ADGRG7: variants seen among roughly 807,000 people sequenced by gnomAD.
The protein encoded by ADGRG7 is adhesion G protein-coupled receptor G7, also known as G-protein coupled receptor 128.
A neutral mutation model predicts 88.6 loss-of-function variants in ADGRG7; 82 were observed. The observed-to-expected ratio is 0.93, with a 90% CI of 0.77 to 1.11. ADGRG7 has a LOEUF of 1.11. Among genes scored for constraint, ADGRG7 ranks in the 50% most tolerant of loss-of-function variants. The pLI is 0.00. For missense variants in ADGRG7, 945 were observed against 953.4 expected (o/e 0.99, Z 0.12); for synonymous variants, 381 against 345.2 (o/e 1.10, Z -1.15).
intron 3 of ADGRG7, 73 bp downstream of exon 3, chr3:100,630,882 C>T: frequency 1.3e-6 from 1 of 759,926 alleles, no homozygotes; most frequent in Non-Finnish European, 2.0e-6. Context: ...ATACCTCCTA[C>T]TAGTGTTAGG....
intron 2 of ADGRG7, 29 bp downstream of exon 2, chr3:100,629,740 TA>T (rs1707433886): frequency 1.4e-6 from 2 of 1,416,314 alleles, no homozygotes; most frequent in African/African-American, 2.8e-5. Flanking sequence ...TGCTAAAGTG[TA>T]AGGTTTACGT....
intron 3 of ADGRG7, among the ~76,000 whole-genome samples, chr3:100,632,904 G>A (rs1302746248): frequency 6.6e-6 from 1 of 152,152 alleles, no homozygotes; most frequent in Non-Finnish European, 1.5e-5. Flanking sequence ...CCTTTCAGCT[G>A]TTATCCAGAT....
intron 12 of ADGRG7, 71 bp from the exon 13 acceptor site, chr3:100,655,828 C>G (rs2094936814): frequency 1.1e-6 from 1 of 898,808 alleles, no homozygotes; most frequent in Non-Finnish European, 1.8e-6. Context: ...ATGTATAATT[C>G]ATGTATGATC....
At chr3:100,658,922 A>G (rs2094941077) in intron 13 of ADGRG7, among the ~76,000 whole-genome samples, 1 of 152,132 alleles carries the variant, frequency 6.6e-6, no homozygotes, top group South Asian at 2.1e-4. Context: ...CATAATATGT[A>G]CTCTCTAAAT....
intron 8 of ADGRG7, among the ~76,000 whole-genome samples, chr3:100,645,577 G>A (rs1707729860): frequency 6.6e-6 from 1 of 152,162 alleles, no homozygotes; most frequent in Non-Finnish European, 1.5e-5. Context: ...GAGGTAACAT[G>A]GGCTGGAGCT....
At chr3:100,631,957 C>T (rs1707464211) in intron 3 of ADGRG7, among the ~76,000 whole-genome samples, 1 of 152,026 alleles carries the variant, frequency 6.6e-6, no homozygotes, top group Non-Finnish European at 1.5e-5. Context: ...ATAAGTCCTC[C>T]TGAATTTTTT....
At position 100,676,976 on chromosome 3, in the gene ADGRG7, G is replaced by A. The variant is rs150241206; in HGVS notation, c.2136+7871G>A. Among the ~76,000 whole-genome samples, 6 of 152,026 alleles carry A rather than the reference G, an allele frequency of 3.9e-5. No individual in the cohort carries two copies. In the East Asian group the frequency reaches 9.6e-4, roughly 24 times the overall value. On this transcript the variant is annotated intron_variant, in intron 15 of 15. Coordinates refer to ENST00000273352, the MANE Select transcript of ADGRG7 (RefSeq NM_032787.3). ...CTCCATCCATTTATTTTCAGTCTGT[G>A]TGTCTTTATAGGTGGTTTGCTTCTT... is the stretch of plus-strand genomic sequence containing the variant.
At chr3:100,662,478 T>C (rs1195283950) in intron 14 of ADGRG7, among the ~76,000 whole-genome samples, 1 of 152,166 alleles carries the variant, frequency 6.6e-6, no homozygotes, top group Non-Finnish European at 1.5e-5. Context: ...TTTGCTAATA[T>C]AATAGCATCA....
intron 1 of ADGRG7, among the ~76,000 whole-genome samples, chr3:100,617,219 TC>T (rs1356765419): frequency 6.6e-6 from 1 of 152,130 alleles, no homozygotes; most frequent in Non-Finnish European, 1.5e-5. Context: ...TTTCTTTTTT[TC>T]TTTTTCTTTT....
intron 15 of ADGRG7, among the ~76,000 whole-genome samples, chr3:100,682,219 G>T (rs1333147883): frequency 6.6e-6 from 1 of 152,138 alleles, no homozygotes; most frequent in Admixed American, 6.5e-5. Flanking sequence ...GGACCCAGCC[G>T]CTCACCGGAG....
At chr3:100,694,711 T>C in intron 15 of ADGRG7, 33 bp from the exon 16 acceptor site, 2 of 1,600,574 alleles carry the variant, frequency 1.2e-6, no homozygotes, top group Non-Finnish European at 1.7e-6. Flanking sequence ...ATCTCAGCAC[T>C]TACCCAACAT....
In ADGRG7 at chr3:100,695,081, T is replaced by C; in HGVS notation, c.*80T>C. 1 of 1,397,240 alleles carries C rather than the reference T, an allele frequency of 7.2e-7. No individual in the cohort carries two copies. The highest frequency in any genetic ancestry group is 2.3e-5 in the East Asian group (1 of 43,572). 86.6% of individuals were successfully genotyped at this position (1,397,240 alleles called of 1,614,324 possible). A position where few individuals can be genotyped will look rare whatever the true frequency, so the allele number is the denominator to read the frequency against. ...GTTTCTCTCCTTTATTTCCCAGTCC[T>C]CTCAGAAAGTCTTCCTCAATGTATT... On this transcript the variant is annotated 3_prime_UTR_variant, in exon 16 of 16. Coordinates refer to ENST00000273352, the MANE Select transcript of ADGRG7 (RefSeq NM_032787.3).
At chr3:100,686,911 G>A (rs2094983731) in intron 15 of ADGRG7, among the ~76,000 whole-genome samples, 1 of 152,136 alleles carries the variant, frequency 6.6e-6, no homozygotes, top group South Asian at 2.1e-4. Context: ...TTCCAATTCT[G>A]TGAAGAAAGT....
intron 15 of ADGRG7, among the ~76,000 whole-genome samples, chr3:100,677,809 T>C (rs1198140265): frequency 6.6e-6 from 1 of 152,168 alleles, no homozygotes; most frequent in Admixed American, 6.5e-5. Context: ...GAAGCTCTGT[T>C]GTATATTATT....
intron 6 of ADGRG7, among the ~76,000 whole-genome samples, chr3:100,640,202 G>C (rs951127558): frequency 8.5e-5 from 13 of 152,178 alleles, no homozygotes; most frequent in African/African-American, 2.9e-4. Flanking sequence ...TTGTTGTTTA[G>C]GACAACATTT....
rs1371398464 is a variant in ADGRG7 at position 100,619,084 on chromosome 3, G to C, written c.115+9113G>C. Among the ~76,000 whole-genome samples, 12 of 152,170 alleles carry C rather than the reference G, an allele frequency of 7.9e-5. No individual in the cohort carries two copies. In the East Asian group the frequency reaches 2.1e-3, roughly 27 times the overall value. Reference sequence around the variant, plus strand: ...ATTGATTTTGTATCATGAGACTTTGGTGAAGTTGCCTGTCAGCTAAGGAGA... The same window carrying C: ...ATTGATTTTGTATCATGAGACTTTGCTGAAGTTGCCTGTCAGCTAAGGAGA... On this transcript the variant is annotated intron_variant, in intron 1 of 15. Transcript: ENST00000273352.
intron 1 of ADGRG7, among the ~76,000 whole-genome samples, chr3:100,627,501 C>T (rs1034515731): frequency 6.6e-6 from 1 of 151,988 alleles, no homozygotes; most frequent in Non-Finnish European, 1.5e-5. Context: ...TCTGTGTAAA[C>T]GTGATTTATT....
In ADGRG7 at chr3:100,659,801, T is replaced by A. The variant is rs754717623; in HGVS notation, c.1937T>A (p.Ile646Asn). The part of the protein sequence containing the change: ...LISNVVMFIT[I>N]SIKVLWKNNQ... ...AGCAATGTTGTTATGTTTATTACAA[T>A]CTCGATCAAAGTGCTGTGGAAGAAT... is the stretch of plus-strand genomic sequence containing the variant. The change falls in exon 14 of 16, where the codon ATC (isoleucine) becomes AAC (asparagine). Residue 646 changes from isoleucine to asparagine, a missense_variant. Transcript: ENST00000273352. 1 of 1,613,924 alleles carries A rather than the reference T, an allele frequency of 6.2e-7. No individual in the cohort carries two copies. The highest frequency in any genetic ancestry group is 1.7e-5 in the Admixed American group (1 of 60,000).
chr3:100,646,538 C>G lies in ADGRG7; in HGVS notation c.1111-31C>G, dbSNP rs372411672. 4 of 1,566,214 alleles carry G rather than the reference C, an allele frequency of 2.6e-6. No homozygotes were observed. In the African/African-American group the frequency reaches 5.4e-5, roughly 21 times the overall value. On this transcript the variant is annotated intron_variant, in intron 9 of 15. Coordinates refer to ENST00000273352, the MANE Select transcript of ADGRG7 (RefSeq NM_032787.3). ...TTTAACCCAATTAAGTATTTAGAAACAGTAATTGTAATTGTCTTATCAATT... is the reference window on the plus strand; with the variant it reads ...TTTAACCCAATTAAGTATTTAGAAAGAGTAATTGTAATTGTCTTATCAATT...
Sources: gnomAD v4.1 joint callset for allele counts (sites outside exome capture counted in the v4.1 genomes callset) on GRCh38, gnomAD v4.1.1 for gene constraint, MANE v1.5 for transcripts, NCBI Gene and HGNC (gene_info 2026-07-23, HGNC 2026-07-21) for gene names.